Variants in STON1 observed in about 807,000 individuals in gnomAD.
STON1 encodes stonin 1.
Under a neutral mutation model 60.9 loss-of-function variants are expected in STON1, and 79 were observed. That is an observed-to-expected ratio of 1.30 (90% CI 1.08 to 1.56). The LOEUF (loss-of-function observed/expected upper bound fraction) is 1.56, where lower values mean the gene tolerates loss of function less well. STON1 is among the 40% of genes most tolerant of loss of function. STON1 has a pLI of 0.00. For missense variants in STON1, 1,166 were observed against 858.9 expected (o/e 1.36, Z -4.47); for synonymous variants, 363 against 306.9 (o/e 1.18, Z -1.91).
intron 3 of STON1, among the ~76,000 whole-genome samples, chr2:48,592,436 G>GTT (rs869162575): frequency 4.2e-5 from 6 of 142,444 alleles, no homozygotes; most frequent in Admixed American, 1.4e-4. Context: ...GTAGTTTTCA[G>GTT]TTTTTTTTTT....
chr2:48,569,498 C>G (rs1274728531), intron 1 of STON1, among the ~76,000 whole-genome samples: 1 of 151,998 alleles, frequency 6.6e-6, no homozygotes, highest in Non-Finnish European at 1.5e-5. Context: ...AGTGAAAAGA[C>G]CATTTAAAAT....
intron 2 of STON1, among the ~76,000 whole-genome samples, chr2:48,591,091 G>C (rs1433052955): frequency 6.6e-6 from 1 of 151,640 alleles, no homozygotes; most frequent in African/African-American, 2.4e-5. Context: ...CAGGTCTTGA[G>C]CACATTGTAG....
intron 1 of STON1, among the ~76,000 whole-genome samples, chr2:48,564,569 C>CTT (rs1558605682): frequency 1.4e-4 from 5 of 36,492 alleles, no homozygotes; most frequent in Non-Finnish European, 2.8e-4. Context: ...TTCTTCTTCT[C>CTT]CTTCTCCTTC....
At position 48,582,374 on chromosome 2, in the gene STON1, G is replaced by T; in HGVS notation, c.1741G>T (p.Ala581Ser). The T allele has an allele frequency of 6.2e-7, 1 of 1,614,124 alleles. No homozygotes were observed. The highest frequency in any genetic ancestry group is 8.5e-7 in the Non-Finnish European group (1 of 1,180,038). Residue 581 changes from alanine to serine, a missense_variant, in exon 2 of 4, where the codon GCC (alanine) becomes TCC (serine). Physicochemically the swap from Ala to Ser is moderately conservative, Grantham distance 99 (BLOSUM62 1). Transcript: ENST00000404752. ...TCCTGTCCCATCGCAGTGGATCAAG[G>T]CCCTTTGGACCATGAACCTCCAGAG... Reference protein sequence around the residue: ...HFPVPSQWIKALWTMNLQRQK... With the variant: ...HFPVPSQWIKSLWTMNLQRQK...
chr2:48,592,667 G>A lies in STON1; in HGVS notation c.2133+812G>A, dbSNP rs573751137. 8.0e-5 allele frequency among the ~76,000 whole-genome samples: 12 copies of A among 150,922 alleles called. No homozygotes were observed. The East Asian group carries it at 1.9e-3, about 24-fold the overall frequency. ...GTAGAGATGGGGTTTTGCCATGTTG[G>A]CCAGGCTGGTCTCAAACTCCCGACC... On this transcript the variant is annotated intron_variant, in intron 3 of 3. Coordinates refer to ENST00000404752, the MANE Select transcript of STON1 (RefSeq NM_006873.4).
intron 1 of STON1, among the ~76,000 whole-genome samples, chr2:48,538,763 ATT>A (rs34052598): frequency 0.038 from 3,244 of 86,308 alleles, 33 homozygotes; most frequent in African/African-American, 0.059. Context: ...ACACCCAGCT[ATT>A]TTTTTTTTTT....
chr2:48,530,288 C>T (rs1558556423), intron 1 of STON1, 72 bp downstream of exon 1: 10 of 330,426 alleles, frequency 3.0e-5, no homozygotes, highest in African/African-American at 2.3e-5. Flanking sequence ...GGCCTCCCGC[C>T]GTGTCTGGGA....
At chr2:48,537,792 G>A (rs762691869) in intron 1 of STON1, among the ~76,000 whole-genome samples, 7 of 150,272 alleles carry the variant, frequency 4.7e-5, no homozygotes, top group Non-Finnish European at 1.0e-4. Context: ...GGAGATTGCA[G>A]TGTGCTGAGA....
chr2:48,558,949 A>C (rs1425631202), intron 1 of STON1, among the ~76,000 whole-genome samples: 1 of 152,212 alleles, frequency 6.6e-6, no homozygotes, highest in African/African-American at 2.4e-5. Flanking sequence ...GAAATCTCGA[A>C]AGTTAGGACC....
chr2:48,575,365 T>C (rs554037665), intron 1 of STON1, among the ~76,000 whole-genome samples: 1 of 152,248 alleles, frequency 6.6e-6, no homozygotes, highest in Non-Finnish European at 1.5e-5. Context: ...TTAAATTCTT[T>C]TGGATAGGCT....
chr2:48,550,538 T>C (rs988609734), intron 1 of STON1, among the ~76,000 whole-genome samples: 1 of 148,966 alleles, frequency 6.7e-6, no homozygotes, highest in Non-Finnish European at 1.5e-5. Flanking sequence ...TTTATAGTGT[T>C]TCTTATGAGG....
intron 1 of STON1, among the ~76,000 whole-genome samples, chr2:48,552,135 C>T (rs906620950): frequency 3.3e-5 from 5 of 152,182 alleles, no homozygotes; most frequent in Admixed American, 3.3e-4. Flanking sequence ...CAAAATGGGG[C>T]ATGTCCATGC....
intron 1 of STON1, among the ~76,000 whole-genome samples, chr2:48,541,920 G>T (rs1045186317): frequency 6.6e-6 from 1 of 152,152 alleles, no homozygotes; most frequent in Non-Finnish European, 1.5e-5. Context: ...GTCCAGAAAA[G>T]ATCTGAATTT....
intron 1 of STON1, among the ~76,000 whole-genome samples, chr2:48,564,434 CT>C (rs1672754218): frequency 2.1e-5 from 1 of 46,642 alleles, no homozygotes; most frequent in African/African-American, 7.8e-5. Context: ...TCTTCTTCTT[CT>C]TCTTCTTCTT....
In STON1 at chr2:48,543,901, C is replaced by A. The variant is rs1243481838; in HGVS notation, c.-48+13685C>A. On this transcript the variant is annotated intron_variant, in intron 1 of 3. Coordinates refer to ENST00000404752, the MANE Select transcript of STON1 (RefSeq NM_006873.4). ...ATGTAAATATAAGCTAGATCCACTT[C>A]TGGGACTAGGTTTTCCCAGGAGGGA... 3.3e-5 allele frequency among the ~76,000 whole-genome samples: 5 copies of A among 152,340 alleles called. No individual in the cohort carries two copies. In the East Asian group the frequency reaches 7.7e-4, roughly 24 times the overall value.
chr2:48,583,342 G>A (rs1674009621), intron 2 of STON1, among the ~76,000 whole-genome samples: 1 of 152,134 alleles, frequency 6.6e-6, no homozygotes, highest in African/African-American at 2.4e-5. Context: ...TCCCACATTG[G>A]CCTCCCAAAA....
chr2:48,578,558 T>C lies in STON1; in HGVS notation c.-47-2029T>C, dbSNP rs13008685. 7.1e-3 allele frequency among the ~76,000 whole-genome samples: 386 copies of C among 54,424 alleles called. 1 individual carries two copies. The highest frequency in any genetic ancestry group is 0.016 in the Non-Finnish European group (320 of 20,292). 35.7% of individuals were successfully genotyped at this position (54,424 alleles called of 152,430 possible). A position where few individuals can be genotyped will look rare whatever the true frequency, so the allele number is the denominator to read the frequency against. On this transcript the variant is annotated intron_variant, in intron 1 of 3. Coordinates refer to ENST00000404752, the MANE Select transcript of STON1 (RefSeq NM_006873.4). ...TCCTCCTTCTCCTCCTTCTCCTCCT[T>C]CTCCTCCTCCTCCTCCTCCTTCCTT... is the stretch of plus-strand genomic sequence containing the variant.
intron 2 of STON1, among the ~76,000 whole-genome samples, chr2:48,587,095 C>T (rs867081420): frequency 1.3e-4 from 20 of 152,186 alleles, no homozygotes; most frequent in Non-Finnish European, 1.3e-4. Flanking sequence ...GCTTCAAACA[C>T]ATACCCATAT....
intron 1 of STON1, among the ~76,000 whole-genome samples, chr2:48,533,676 A>C (rs1671308273): frequency 6.6e-6 from 1 of 151,712 alleles, no homozygotes; most frequent in Non-Finnish European, 1.5e-5. Flanking sequence ...AAAAAAAAAA[A>C]AAAAAAGAGA....
Sources: allele counts gnomAD v4.1 joint callset (sites outside exome capture counted in the v4.1 genomes callset), GRCh38; gene constraint gnomAD v4.1.1; transcripts MANE v1.5; gene names NCBI Gene and HGNC (gene_info 2026-07-23, HGNC 2026-07-21).